Variants in DRC1 observed in about 807,000 individuals in gnomAD.
DRC1 encodes dynein regulatory complex protein 1.
In DRC1, 74 loss-of-function variants were observed where a neutral mutation model predicts 98.7. The observed-to-expected ratio is 0.75, with a 90% CI of 0.62 to 0.91. The LOEUF (loss-of-function observed/expected upper bound fraction) is 0.91, where lower values mean the gene tolerates loss of function less well. Ranked by LOEUF, DRC1 falls within the 40% of genes least tolerant of loss-of-function variation. DRC1 has a pLI of 0.00. For missense variants in DRC1, 875 were observed against 886.0 expected (o/e 0.99, Z 0.16); for synonymous variants, 336 against 334.1 (o/e 1.01, Z -0.06).
At chr2:26,441,079 AC>A (rs1371807081) in intron 8 of DRC1, among the ~76,000 whole-genome samples, 1 of 152,198 alleles carries the variant, frequency 6.6e-6, no homozygotes, top group African/African-American at 2.4e-5. Context: ...ACTGAAAGGT[AC>A]CTATTGCTTG....
intron 7 of DRC1, among the ~76,000 whole-genome samples, chr2:26,432,587 A>G (rs1663463803): frequency 1.5e-5 from 1 of 65,278 alleles, no homozygotes; most frequent in Non-Finnish European, 3.4e-5. Context: ...AAAGAAAAGA[A>G]AAGGAAAGAA....
chr2:26,422,946 C>A (rs958549061), intron 3 of DRC1, among the ~76,000 whole-genome samples: 1 of 151,334 alleles, frequency 6.6e-6, no homozygotes, highest in East Asian at 1.9e-4. Flanking sequence ...AAAAGGCAAC[C>A]ACTTGACCAT....
chr2:26,421,779 C>T (rs1279725259), intron 3 of DRC1, among the ~76,000 whole-genome samples: 1 of 152,050 alleles, frequency 6.6e-6, no homozygotes, highest in Non-Finnish European at 1.5e-5. Context: ...AGGCTGGTCT[C>T]GAACTACTGA....
chr2:26,455,231 A>G lies in DRC1; in HGVS notation c.2164A>G (p.Lys722Glu). Residue 722 changes from lysine (K) to glutamate (E), a missense_variant and splice_region_variant, in exon 16 of 17, where the codon AAG becomes GAG. Lys to Glu is a moderately conservative substitution (Grantham distance 56). Transcript: ENST00000288710. ...GCTACTGCAGCAGTATCTGAACTCC[A>G]AGGTGGGCGGCGGGGCCTTCCAAGG... ...QALLQQYLNS[K>E]INSELQVPPT... The G allele has an allele frequency of 6.2e-7, 1 of 1,612,262 alleles. No homozygotes were observed. The highest frequency in any genetic ancestry group is 8.5e-7 in the Non-Finnish European group (1 of 1,179,132).
At chr2:26,421,257 G>A (rs374892627) in intron 2 of DRC1, 31 bp from the exon 3 acceptor site, 3 of 1,587,440 alleles carry the variant, frequency 1.9e-6, no homozygotes, top group Non-Finnish European at 2.6e-6. Flanking sequence ...AAGTGTTCTA[G>A]CTTTGTAAAT....
Position 26,421,368 on chromosome 2 carries a change from G to C in DRC1, c.324G>C (p.Arg108Ser). 1 of 1,613,464 alleles carries C rather than the reference G, an allele frequency of 6.2e-7. No individual in the cohort carries two copies. The highest frequency in any genetic ancestry group is 8.5e-7 in the Non-Finnish European group (1 of 1,179,638). Residue 108 changes from arginine (R) to serine (S), a missense_variant, in exon 3 of 17, where the codon AGG becomes AGC. Coordinates refer to ENST00000288710, the MANE Select transcript of DRC1 (RefSeq NM_145038.5). ...QVAIDIREIH[R>S]RVEEEEIKRQ... ...CTATAGATATCAGAGAGATTCACAG[G>C]AGAGTCGAAGAAGAGGAGATAAAGC... is the stretch of plus-strand genomic sequence containing the variant.
intron 1 of DRC1, among the ~76,000 whole-genome samples, chr2:26,404,287 A>G (rs1678350825): frequency 6.6e-6 from 1 of 152,318 alleles, no homozygotes; most frequent in Admixed American, 6.5e-5. Context: ...GAGAACTACC[A>G]TGGTCCTGTG....
rs1235796004 is a variant in DRC1, at chr2:26,401,927, G to C, written c.-63G>C. On this transcript the variant is annotated 5_prime_UTR_variant, in exon 1 of 17. Coordinates refer to ENST00000288710, the MANE Select transcript of DRC1 (RefSeq NM_145038.5). The stretch of plus-strand genomic sequence containing the variant: ...TCTCCCTGGCAACGGTTTGTTCCTA[G>C]CAACCAGCCTGAGGTCTGGAGGTGG... 5 of 1,518,806 alleles carry C rather than the reference G, an allele frequency of 3.3e-6. No individual in the cohort carries two copies. In the African/African-American group the frequency reaches 7.0e-5, roughly 21 times the overall value. 94.1% of individuals were successfully genotyped at this position (1,518,806 alleles called of 1,614,324 possible).
intron 8 of DRC1, among the ~76,000 whole-genome samples, chr2:26,442,915 T>G (rs1303510578): frequency 6.6e-6 from 1 of 152,194 alleles, no homozygotes; most frequent in Non-Finnish European, 1.5e-5. Context: ...CTGGAGTTTG[T>G]TTTGTTAGCT....
At chr2:26,429,120 C>T (rs555223903) in intron 4 of DRC1, among the ~76,000 whole-genome samples, 5 of 152,178 alleles carry the variant, frequency 3.3e-5, no homozygotes, top group African/African-American at 7.2e-5. Flanking sequence ...CATTCCACTC[C>T]ATCTACTATG....
At chr2:26,427,672 T>C (rs1309351898) in intron 4 of DRC1, among the ~76,000 whole-genome samples, 1 of 152,162 alleles carries the variant, frequency 6.6e-6, no homozygotes, top group Non-Finnish European at 1.5e-5. Flanking sequence ...TCTTATTCAT[T>C]CTAACTATAT....
chr2:26,455,875 G>A (rs989296618), intron 16 of DRC1, among the ~76,000 whole-genome samples: 29 of 152,350 alleles, frequency 1.9e-4, no homozygotes, highest in Admixed American at 1.7e-3. Flanking sequence ...CCTGCTCTGC[G>A]GGTGTGGGCA....
intron 3 of DRC1, 71 bp from the exon 4 acceptor site, chr2:26,424,200 G>A: frequency 6.4e-7 from 1 of 1,571,888 alleles, no homozygotes; most frequent in Non-Finnish European, 8.7e-7. Context: ...AGATTCTAGA[G>A]AACGTACCTG....
In DRC1 at chr2:26,450,169, G is replaced by A. The variant is rs1663966195; in HGVS notation, c.1599+84G>A. 3 of 1,369,798 alleles carry A rather than the reference G, an allele frequency of 2.2e-6. No homozygotes were observed. The East Asian group carries it at 7.4e-5, about 34-fold the overall frequency. 84.9% of individuals were successfully genotyped at this position (1,369,798 alleles called of 1,614,324 possible). On this transcript the variant is annotated intron_variant, in intron 12 of 16. Coordinates refer to ENST00000288710, the MANE Select transcript of DRC1 (RefSeq NM_145038.5). Reference sequence around the variant, plus strand: ...TGGCCCTGCCATTGCCTCAACCCTGGCAGTGGACGAGGGTCTCCCGGGGCT... The same window carrying A: ...TGGCCCTGCCATTGCCTCAACCCTGACAGTGGACGAGGGTCTCCCGGGGCT...
At position 26,450,643 on chromosome 2, in the gene DRC1, C is replaced by T; in HGVS notation, c.1651C>T (p.Leu551Phe). Reference protein sequence around the residue: ...DDLYKLVNFFLKYRAHRLSSS... With the variant: ...DDLYKLVNFFFKYRAHRLSSS... ...CTTGTATAAACTGGTGAACTTCTTCCTTAAATATCGAGCTCACCGTTTATC... is the reference window on the plus strand; with the variant it reads ...CTTGTATAAACTGGTGAACTTCTTCTTTAAATATCGAGCTCACCGTTTATC... Residue 551 changes from leucine (L) to phenylalanine (F), a missense_variant, in exon 13 of 17, where the codon CTT becomes TTT. Transcript: ENST00000288710. 6.2e-7 allele frequency: 1 copy of T among 1,610,498 alleles called. No homozygotes were observed. The highest frequency in any genetic ancestry group is 8.5e-7 in the Non-Finnish European group (1 of 1,178,404).
In DRC1 at chr2:26,424,317, G is replaced by A. The variant is rs1174515985; in HGVS notation, c.403G>A (p.Asp135Asn). Residue 135 changes from aspartate (D) to asparagine (N), a missense_variant, in exon 4 of 17, where the codon GAT (aspartate) becomes AAT (asparagine). Coordinates refer to ENST00000288710, the MANE Select transcript of DRC1 (RefSeq NM_145038.5). ...NEVKTSQDKFDEITSKWEEGK... is the reference protein window; with the variant it reads ...NEVKTSQDKFNEITSKWEEGK... Reference sequence around the variant, plus strand: ...AGTTAAGACCAGCCAGGACAAATTCGATGAAATCACCTCAAAGTGGGAAGA... The same window carrying A: ...AGTTAAGACCAGCCAGGACAAATTCAATGAAATCACCTCAAAGTGGGAAGA... 3 of 1,613,794 alleles carry A rather than the reference G, an allele frequency of 1.9e-6. No homozygotes were observed. Among genetic ancestry groups the A allele is most frequent in the African/African-American group, 2.7e-5 (2 of 74,820 alleles).
intron 1 of DRC1, among the ~76,000 whole-genome samples, chr2:26,412,908 A>G (rs1190767142): frequency 6.6e-6 from 1 of 151,834 alleles, no homozygotes; most frequent in Non-Finnish European, 1.5e-5. Context: ...TCAGCCTCCC[A>G]AGTAGCTGGG....
At chr2:26,405,232 C>T (rs34918214) in intron 1 of DRC1, among the ~76,000 whole-genome samples, 42,122 of 151,976 alleles carry the variant, frequency 0.28, 6,821 homozygotes, top group Non-Finnish European at 0.35. Context: ...TGTTGGCTGC[C>T]CTTTCGTTTT....
chr2:26,449,784 T>C (rs189401724), intron 11 of DRC1, among the ~76,000 whole-genome samples: 2 of 152,294 alleles, frequency 1.3e-5, no homozygotes, highest in East Asian at 3.9e-4. Context: ...GCTTTGTCCC[T>C]GGCCTTGCTT....
Sources: gnomAD v4.1 joint callset for allele counts (sites outside exome capture counted in the v4.1 genomes callset) on GRCh38, gnomAD v4.1.1 for gene constraint, MANE v1.5 for transcripts, NCBI Gene and HGNC (gene_info 2026-07-23, HGNC 2026-07-21) for gene names.